Variants in IQCM observed in about 807,000 individuals in gnomAD.
The protein encoded by IQCM is IQ motif containing M, also known as IQ domain-containing protein M.
IQCM carries 45 observed loss-of-function variants against 57.6 expected under a neutral mutation model. That is an observed-to-expected ratio of 0.78 (90% CI 0.62 to 1.00). The LOEUF (loss-of-function observed/expected upper bound fraction) is 1.00. IQCM is among the 50% of genes least tolerant of loss of function. The pLI, the probability that IQCM is intolerant of heterozygous loss-of-function variation, is 0.00. For synonymous variants in IQCM, 148 were observed against 158.9 expected, an observed-to-expected ratio of 0.93 and a Z score of 0.51; for missense variants, 468 against 511.6, an observed-to-expected ratio of 0.91 and a Z score of 0.82.
chr4:149,417,854 T>C (rs1213868327), intron 13 of IQCM, among the ~76,000 whole-genome samples: 1 of 151,314 alleles, frequency 6.6e-6, no homozygotes, highest in East Asian at 1.9e-4. Flanking sequence ...CTTTGAAGTT[T>C]GTAAAAATAG....
At chr4:149,508,873 G>A (rs1455475902) in intron 12 of IQCM, among the ~76,000 whole-genome samples, 3 of 152,198 alleles carry the variant, frequency 2.0e-5, no homozygotes, top group African/African-American at 7.2e-5. Context: ...CCCAGTGGGA[G>A]GCAATTGAAT....
chr4:149,366,925 C>A (rs775319337), intron 13 of IQCM, among the ~76,000 whole-genome samples: 1 of 151,834 alleles, frequency 6.6e-6, no homozygotes, highest in South Asian at 2.1e-4. Context: ...AATTGCAAAA[C>A]GGATTTGAAA....
chr4:149,433,637 T>TA, intron 12 of IQCM, 80 bp from the exon 13 acceptor site: 1 of 508,524 alleles, frequency 2.0e-6, no homozygotes. Context: ...GGATGCAAAT[T>TA]AAAAACTAAC....
intron 2 of IQCM, among the ~76,000 whole-genome samples, chr4:149,757,765 G>GTGTA (rs1554036361): frequency 7.0e-5 from 10 of 143,422 alleles, no homozygotes; most frequent in African/African-American, 2.0e-4. Context: ...GTGTGTGTGT[G>GTGTA]TATATTTCTG....
intron 8 of IQCM, among the ~76,000 whole-genome samples, chr4:149,593,429 C>G (rs1053106783): frequency 6.6e-6 from 1 of 152,002 alleles, no homozygotes; most frequent in African/African-American, 2.4e-5. Flanking sequence ...TTCTCTTTTC[C>G]TAATTGAATA....
intron 13 of IQCM, among the ~76,000 whole-genome samples, chr4:149,355,202 A>G (rs927946615): frequency 1.3e-5 from 2 of 152,126 alleles, no homozygotes; most frequent in African/African-American, 4.8e-5. Flanking sequence ...ATATAAGTAC[A>G]CATAATATAT....
At chr4:149,600,653 C>T (rs1191497769) in intron 8 of IQCM, among the ~76,000 whole-genome samples, 1 of 152,134 alleles carries the variant, frequency 6.6e-6, no homozygotes, top group Non-Finnish European at 1.5e-5. Context: ...GGGTCAAAGG[C>T]TGCCCTAGCC....
chr4:149,728,830 A>T (rs1766198935), intron 5 of IQCM, among the ~76,000 whole-genome samples: 1 of 152,158 alleles, frequency 6.6e-6, no homozygotes, highest in South Asian at 2.1e-4. Context: ...CCTCTCCCCA[A>T]AGATGACAAC....
At chr4:149,788,680 G>T (rs1468895226) in intron 2 of IQCM, among the ~76,000 whole-genome samples, 1 of 152,114 alleles carries the variant, frequency 6.6e-6, no homozygotes, top group Non-Finnish European at 1.5e-5. Flanking sequence ...GTATATCAAA[G>T]AAATACATGC....
chr4:149,398,638 C>T (rs907910000), intron 13 of IQCM, among the ~76,000 whole-genome samples: 2 of 151,986 alleles, frequency 1.3e-5, no homozygotes, highest in South Asian at 2.1e-4. Flanking sequence ...TCTTAATGTA[C>T]TTTCTGGATA....
intron 7 of IQCM, among the ~76,000 whole-genome samples, chr4:149,622,583 C>T (rs74361379): frequency 0.07 from 10,651 of 151,950 alleles, 479 homozygotes; most frequent in Non-Finnish European, 0.11. Flanking sequence ...AATTATTCAA[C>T]GGAAGCAAAG....
At position 149,388,666 on chromosome 4, in the gene IQCM, T is replaced by C. The variant is rs571927429; in HGVS notation, c.1391-36600A>G. On this transcript the variant is annotated intron_variant, in intron 13 of 13. Transcript: ENST00000636793. ...AAAGAATATAAAATATATATATATA[T>C]ACATATATATAGGCAAAGAATGAGG... 7.6e-4 allele frequency among the ~76,000 whole-genome samples: 109 copies of C among 142,560 alleles called. 1 individual carries two copies. In the South Asian group the frequency reaches 0.015, roughly 19 times the overall value. The allele number at this position is 142,560 out of a possible 152,430, so 93.5% of individuals were successfully genotyped here. A position where few individuals can be genotyped will look rare whatever the true frequency, so the allele number is the denominator to read the frequency against.
At chr4:149,732,625 T>C (rs1766563651) in intron 5 of IQCM, among the ~76,000 whole-genome samples, 1 of 152,096 alleles carries the variant, frequency 6.6e-6, no homozygotes, top group African/African-American at 2.4e-5. Context: ...AGTGTATGAA[T>C]AAATAAACAT....
At chr4:149,385,293 A>G (rs1349130941) in intron 13 of IQCM, among the ~76,000 whole-genome samples, 1 of 152,104 alleles carries the variant, frequency 6.6e-6, no homozygotes, top group African/African-American at 2.4e-5. Flanking sequence ...CCTTACAATC[A>G]AATATGAGGA....
At chr4:149,785,899 T>C (rs1013563197) in intron 2 of IQCM, among the ~76,000 whole-genome samples, 52 of 152,290 alleles carry the variant, frequency 3.4e-4, no homozygotes, top group African/African-American at 9.9e-4. Context: ...ATGTAGTTTG[T>C]TGAGTCCTGG....
intron 12 of IQCM, among the ~76,000 whole-genome samples, chr4:149,470,623 C>A (rs921733337): frequency 1.3e-5 from 2 of 152,152 alleles, no homozygotes; most frequent in Non-Finnish European, 2.9e-5. Flanking sequence ...CCAAGCAGAC[C>A]TAATAGACAT....
chr4:149,803,748 G>C (rs2150053604), intron 2 of IQCM, among the ~76,000 whole-genome samples: 1 of 151,918 alleles, frequency 6.6e-6, no homozygotes, highest in Non-Finnish European at 1.5e-5. Context: ...CAACATTTTT[G>C]CTAGTGTTTT....
intron 12 of IQCM, among the ~76,000 whole-genome samples, chr4:149,474,181 A>T (rs1299090934): frequency 6.6e-6 from 1 of 152,036 alleles, no homozygotes; most frequent in Non-Finnish European, 1.5e-5. Flanking sequence ...AGTAACTATG[A>T]AAAGTAATAA....
chr4:149,692,311 C>T (rs1029227358), intron 5 of IQCM, among the ~76,000 whole-genome samples: 2 of 152,090 alleles, frequency 1.3e-5, no homozygotes, highest in Admixed American at 6.6e-5. Context: ...CTCAACAGAG[C>T]GCAACCTTTC....
Sources: allele counts gnomAD v4.1 joint callset (sites outside exome capture counted in the v4.1 genomes callset), GRCh38; gene constraint gnomAD v4.1.1; transcripts MANE v1.5; gene names NCBI Gene and HGNC (gene_info 2026-07-23, HGNC 2026-07-21).